Variants in CYTH1 observed in about 807,000 individuals in gnomAD.
CYTH1 encodes cytohesin-1.
CYTH1 carries 18 observed loss-of-function variants against 61.8 expected under a neutral mutation model. The ratio of observed to expected loss-of-function variants is 0.29; its 90% CI spans 0.20 to 0.43. CYTH1 has a LOEUF of 0.43. Ranked by LOEUF, CYTH1 falls within the 20% of genes least tolerant of loss-of-function variation. CYTH1 has a pLI of 1.00. For missense variants in CYTH1, 336 were observed against 510.5 expected (o/e 0.66, Z 3.29); for synonymous variants, 174 against 184.3 (o/e 0.94, Z 0.45).
rs1250252067 is a variant in CYTH1, at chr17:78,711,312, T to TACAC, written c.23-1581_23-1580insGTGT. On this transcript the variant is annotated intron_variant, in intron 1 of 13. Coordinates refer to ENST00000446868, the MANE Select transcript of CYTH1 (RefSeq NM_004762.6). ...AATAAATAAATAAATAATATATATA[T>TACAC]ATACACACACACACACACACACACA... is the stretch of plus-strand genomic sequence containing the variant. 4.0e-3 allele frequency among the ~76,000 whole-genome samples: 528 copies of TACAC among 132,076 alleles called. 6 individuals are homozygous for TACAC. The highest frequency in any genetic ancestry group is 0.013 in the African/African-American group (493 of 38,196). 86.6% of individuals were successfully genotyped at this position (132,076 alleles called of 152,430 possible). A position where few individuals can be genotyped will look rare whatever the true frequency, so the allele number is the denominator to read the frequency against.
rs28655661 is a variant in CYTH1, at chr17:78,675,508, G to A, written c.*583C>T. 731 of 156,714 alleles carry A rather than the reference G, an allele frequency of 4.7e-3. 6 individuals carry two copies. The highest frequency in any genetic ancestry group is 0.016 in the African/African-American group (684 of 41,736). The allele number at this position is 156,714 out of a possible 1,614,324, so 9.7% of individuals were successfully genotyped here. A position where few individuals can be genotyped will look rare whatever the true frequency, so the allele number is the denominator to read the frequency against. The stretch of plus-strand genomic sequence containing the variant: ...AGCTCCCACAGCACAGGAGAGGCAG[G>A]CCAGGCCCTGCCGCGGGCCCAGGCT... On this transcript the variant is annotated 3_prime_UTR_variant, in exon 14 of 14. Transcript: ENST00000446868.
chr17:78,747,379 C>A (rs1598905448), intron 1 of CYTH1, among the ~76,000 whole-genome samples: 1 of 152,228 alleles, frequency 6.6e-6, no homozygotes, highest in Middle Eastern at 3.4e-3. Context: ...AAATACTGCA[C>A]TGCGGTCCCA....
intron 1 of CYTH1, among the ~76,000 whole-genome samples, chr17:78,781,884 A>C: frequency 1.4e-5 from 2 of 143,964 alleles, no homozygotes; most frequent in African/African-American, 2.6e-5. Context: ...GACCCCAACG[A>C]CCCTCATTCC....
At chr17:78,692,107 A>G in intron 11 of CYTH1, 1 of 290,158 alleles carries the variant, frequency 3.4e-6, no homozygotes. Context: ...CAACCAATGC[A>G]AATTCATTCT....
chr17:78,723,140 G>GAGGC (rs1461187905), intron 1 of CYTH1: 1 of 152,592 alleles, frequency 6.6e-6, no homozygotes, highest in Non-Finnish European at 1.5e-5. Context: ...CTGGGTGGGA[G>GAGGC]AGGCAGGCAG....
intron 1 of CYTH1, 71 bp downstream of exon 1, chr17:78,782,131 G>A (rs976011844): frequency 2.6e-4 from 319 of 1,215,620 alleles, no homozygotes; most frequent in Admixed American, 7.1e-4. Flanking sequence ...CGCAAGCGCT[G>A]CCGGACGGCC....
chr17:78,768,145 T>G (rs767375759), intron 1 of CYTH1, among the ~76,000 whole-genome samples: 1 of 152,098 alleles, frequency 6.6e-6, no homozygotes, highest in African/African-American at 2.4e-5. Context: ...CCCAGAAAAA[T>G]ACAAAAAGCT....
At chr17:78,685,028 A>G (rs1417552497) in intron 11 of CYTH1, among the ~76,000 whole-genome samples, 2 of 151,876 alleles carry the variant, frequency 1.3e-5, no homozygotes, top group Admixed American at 6.6e-5. Flanking sequence ...GTGAAACCCC[A>G]TCTCTACTAA....
At chr17:78,719,676 G>C (rs573043214) in intron 1 of CYTH1, among the ~76,000 whole-genome samples, 6 of 152,326 alleles carry the variant, frequency 3.9e-5, no homozygotes, top group African/African-American at 1.4e-4. Context: ...GCAAACAGTT[G>C]TAATGATACC....
intron 9 of CYTH1, among the ~76,000 whole-genome samples, chr17:78,697,611 A>G (rs1231841244): frequency 6.6e-6 from 1 of 151,784 alleles, no homozygotes; most frequent in African/African-American, 2.4e-5. Context: ...GGGAAAAAAA[A>G]AAGAAAAAAA....
At chr17:78,698,131 G>C in intron 9 of CYTH1, 138 bp downstream of exon 9, 1 of 741,720 alleles carries the variant, frequency 1.3e-6, no homozygotes, top group Non-Finnish European at 2.3e-6. Flanking sequence ...ATGCATGCGC[G>C]TGCACACACA....
chr17:78,682,417 TCTGGA>T (rs1297284931), intron 11 of CYTH1, among the ~76,000 whole-genome samples: 6 of 152,188 alleles, frequency 3.9e-5, no homozygotes, highest in Non-Finnish European at 8.8e-5. Context: ...CCTGTTCCAG[TCTGGA>T]CTGGTTGCCT....
intron 11 of CYTH1, among the ~76,000 whole-genome samples, chr17:78,687,896 A>T (rs960736084): frequency 1.3e-5 from 2 of 152,128 alleles, no homozygotes; most frequent in African/African-American, 4.8e-5. Flanking sequence ...GGCTGTTGCA[A>T]CTCAGAAACT....
chr17:78,721,476 T>TAA (rs754420445), intron 1 of CYTH1, among the ~76,000 whole-genome samples: 10 of 152,270 alleles, frequency 6.6e-5, no homozygotes, highest in Non-Finnish European at 1.5e-4. Flanking sequence ...TATTCTAATT[T>TAA]AAATTTCTTC....
chr17:78,727,129 T>A (rs748362173), intron 1 of CYTH1, among the ~76,000 whole-genome samples: 1 of 152,196 alleles, frequency 6.6e-6, no homozygotes, highest in South Asian at 2.1e-4. Flanking sequence ...TTCATCAGCA[T>A]CCCAAACCCA....
intron 1 of CYTH1, among the ~76,000 whole-genome samples, chr17:78,737,794 T>A (rs760707669): frequency 3.9e-5 from 6 of 152,112 alleles, no homozygotes; most frequent in African/African-American, 7.2e-5. Flanking sequence ...CACCAAGAGA[T>A]AGCCATTGGT....
At chr17:78,685,555 T>G (rs1228702017) in intron 11 of CYTH1, among the ~76,000 whole-genome samples, 1 of 152,246 alleles carries the variant, frequency 6.6e-6, no homozygotes, top group African/African-American at 2.4e-5. Context: ...AGTTCCATAC[T>G]TAAGTATATT....
chr17:78,676,719 C>T (rs769839458), intron 13 of CYTH1: 2 of 336,026 alleles, frequency 6.0e-6, no homozygotes, highest in Admixed American at 4.1e-5. Flanking sequence ...ATGGACAGAC[C>T]GGCTGGACCT....
chr17:78,710,233 A>G (rs2144412192), intron 1 of CYTH1, among the ~76,000 whole-genome samples: 1 of 152,338 alleles, frequency 6.6e-6, no homozygotes, highest in Non-Finnish European at 1.5e-5. Context: ...GTTTGGAGAA[A>G]GAGACTATGT....
Sources: gnomAD v4.1 joint callset for allele counts (sites outside exome capture counted in the v4.1 genomes callset) on GRCh38, gnomAD v4.1.1 for gene constraint, MANE v1.5 for transcripts, NCBI Gene and HGNC (gene_info 2026-07-23, HGNC 2026-07-21) for gene names.